The following TRDN variants were observed in gnomAD, a reference collection of about 807,000 sequenced individuals.
TRDN encodes triadin.
TRDN carries 161 observed loss-of-function variants against 149.7 expected under a neutral mutation model. The observed-to-expected ratio is 1.08, with a 90% CI of 0.95 to 1.23. TRDN has a LOEUF of 1.23. Among genes scored for constraint, TRDN ranks in the 50% most tolerant of loss-of-function variants. The probability of loss-of-function intolerance (pLI) is 0.00; values close to 1 mark genes in which losing one functional copy is unlikely to be tolerated. For synonymous variants in TRDN, 294 were observed against 250.5 expected, an observed-to-expected ratio of 1.17 and a Z score of -1.64; for missense variants, 896 against 823.5, an observed-to-expected ratio of 1.09 and a Z score of -1.08.
At chr6:123,571,246 C>T (rs1376532555) in intron 1 of TRDN, 114 bp from the exon 2 acceptor site, 5 of 1,089,432 alleles carry the variant, frequency 4.6e-6, no homozygotes, top group East Asian at 2.6e-5. Flanking sequence ...TCTAGAGCAG[C>T]ACAACTCCTT....
chr6:123,316,475 C>A lies in TRDN; in HGVS notation c.1492G>T (p.Glu498Ter), dbSNP rs1779027425. 1.1e-5 allele frequency: 17 copies of A among 1,610,254 alleles called. No individual in the cohort carries two copies. Among genetic ancestry groups the A allele is most frequent in the Non-Finnish European group, 1.4e-5 (17 of 1,177,616 alleles). Reference protein sequence around the residue: ...KEKEPETKKDEKMSKAGKEVK... With the variant: ...KEKEPETKKD ...TCCTTACCTGCTTTGGACATCTTTTCATCTTTTTTAGTTTCAGGTTCTGGG... is the reference window on the plus strand; with the variant it reads ...TCCTTACCTGCTTTGGACATCTTTTAATCTTTTTTAGTTTCAGGTTCTGGG... The change falls in exon 24 of 41, where the codon GAA (glutamate) becomes TAA (stop). Residue 498 changes from glutamate (E) to a stop codon, truncating the protein, a stop_gained. Coordinates refer to ENST00000334268, the MANE Select transcript of TRDN (RefSeq NM_006073.4). LOFTEE classifies it high-confidence loss of function.
intron 1 of TRDN, among the ~76,000 whole-genome samples, chr6:123,630,474 G>A (rs1377712049): frequency 6.6e-6 from 1 of 151,912 alleles, no homozygotes; most frequent in Non-Finnish European, 1.5e-5. Context: ...CAGTATTGGA[G>A]GCCTTAAGTC....
chr6:123,260,578 G>A, intron 34 of TRDN, 34 bp downstream of exon 34: 1 of 1,401,464 alleles, frequency 7.1e-7, no homozygotes, highest in Non-Finnish European at 9.3e-7. Flanking sequence ...TTCCACAACT[G>A]TATCTTATCT....
chr6:123,265,603 C>A (rs1043147927), intron 32 of TRDN, among the ~76,000 whole-genome samples: 1 of 149,222 alleles, frequency 6.7e-6, no homozygotes, highest in South Asian at 2.1e-4. Flanking sequence ...TGATTTGATA[C>A]AATATTAATC....
At chr6:123,632,826 T>C (rs1425822171) in intron 1 of TRDN, among the ~76,000 whole-genome samples, 1 of 152,016 alleles carries the variant, frequency 6.6e-6, no homozygotes, top group Non-Finnish European at 1.5e-5. Context: ...GTTTGCCTAG[T>C]TGTTAAGTAG....
At chr6:123,452,403 C>G (rs961223848) in intron 10 of TRDN, among the ~76,000 whole-genome samples, 1 of 151,910 alleles carries the variant, frequency 6.6e-6, no homozygotes, top group African/African-American at 2.4e-5. Flanking sequence ...GCACAGTTTC[C>G]AGATACAAGA....
chr6:123,266,891 G>A lies in TRDN; in HGVS notation c.1783+816C>T, dbSNP rs576867925. Among the ~76,000 whole-genome samples the A allele has an allele frequency of 4.2e-5, 6 of 143,272 alleles. 1 individual carries two copies. The highest frequency in any genetic ancestry group is 4.3e-4 in the South Asian group (2 of 4,670). The allele number at this position is 143,272 out of a possible 152,430, so 94.0% of individuals were successfully genotyped here. Reference sequence around the variant, plus strand: ...TGGGAGGCCGAGGTGGGTGGATCACGAGGTCAGGAGATCGAGACCATCCTG... The same window carrying A: ...TGGGAGGCCGAGGTGGGTGGATCACAAGGTCAGGAGATCGAGACCATCCTG... On this transcript the variant is annotated intron_variant, in intron 32 of 40. Transcript: ENST00000334268.
chr6:123,547,033 T>A (rs1161162503), intron 4 of TRDN, among the ~76,000 whole-genome samples: 2 of 152,130 alleles, frequency 1.3e-5, no homozygotes, highest in African/African-American at 4.8e-5. Context: ...TGGGTGTCAT[T>A]TTCTGGGCCA....
intron 1 of TRDN, among the ~76,000 whole-genome samples, chr6:123,588,945 C>T (rs1022760004): frequency 2.6e-5 from 4 of 152,146 alleles, no homozygotes; most frequent in Non-Finnish European, 5.9e-5. Context: ...CCACTACATG[C>T]CCAAGTAGCC....
intron 12 of TRDN, among the ~76,000 whole-genome samples, chr6:123,398,208 T>C (rs1318457892): frequency 1.3e-5 from 2 of 152,204 alleles, no homozygotes; most frequent in Non-Finnish European, 2.9e-5. Flanking sequence ...GGTTTCACCA[T>C]GTTGGTCAGG....
At chr6:123,243,787 AT>A (rs1213905693) in intron 38 of TRDN, among the ~76,000 whole-genome samples, 4 of 151,472 alleles carry the variant, frequency 2.6e-5, no homozygotes, top group African/African-American at 4.8e-5. Context: ...ATGATGAGCA[AT>A]TTTTTTTTGT....
At chr6:123,220,082 C>G (rs561149162) in intron 40 of TRDN, among the ~76,000 whole-genome samples, 106 of 151,944 alleles carry the variant, frequency 7.0e-4, no homozygotes, top group African/African-American at 2.4e-3. Flanking sequence ...ACGAAGATAG[C>G]AAATATCATT....
At chr6:123,441,548 G>A (rs1437912761) in intron 10 of TRDN, among the ~76,000 whole-genome samples, 1 of 151,932 alleles carries the variant, frequency 6.6e-6, no homozygotes, top group Non-Finnish European at 1.5e-5. Context: ...GTGTGGTTGG[G>A]AAAGAAATCT....
At chr6:123,291,807 A>C (rs1245590250) in intron 24 of TRDN, among the ~76,000 whole-genome samples, 4 of 152,176 alleles carry the variant, frequency 2.6e-5, no homozygotes, top group African/African-American at 9.6e-5. Context: ...TTTATTTTCA[A>C]TTCTGCAATA....
chr6:123,340,156 T>C (rs1780012707), intron 21 of TRDN, among the ~76,000 whole-genome samples: 1 of 152,082 alleles, frequency 6.6e-6, no homozygotes, highest in Admixed American at 6.6e-5. Context: ...CCACAAGAAT[T>C]CTTTGAAAAA....
At chr6:123,433,461 T>G (rs1774425935) in intron 12 of TRDN, among the ~76,000 whole-genome samples, 2 of 152,026 alleles carry the variant, frequency 1.3e-5, no homozygotes, top group Non-Finnish European at 2.9e-5. Flanking sequence ...TCCACTTCTG[T>G]GTACTCAGCA....
At chr6:123,269,975 A>C in intron 30 of TRDN, 109 bp from the exon 31 acceptor site, 1 of 1,014,218 alleles carries the variant, frequency 9.9e-7, no homozygotes, top group Non-Finnish European at 1.4e-6. Flanking sequence ...TCACCTCCTT[A>C]GCTTAAACTT....
intron 5 of TRDN, among the ~76,000 whole-genome samples, chr6:123,516,629 G>T (rs1014698275): frequency 3.3e-5 from 5 of 152,000 alleles, no homozygotes; most frequent in African/African-American, 1.2e-4. Flanking sequence ...AACTTAAACA[G>T]TATGTGTTAA....
intron 38 of TRDN, among the ~76,000 whole-genome samples, chr6:123,237,687 T>C (rs2114536276): frequency 6.6e-6 from 1 of 152,316 alleles, no homozygotes; most frequent in Admixed American, 6.5e-5. Context: ...TTTCTTGCTT[T>C]TTTGCAGTGG....
Sources: gnomAD v4.1 joint callset for allele counts (sites outside exome capture counted in the v4.1 genomes callset) on GRCh38, gnomAD v4.1.1 for gene constraint, MANE v1.5 for transcripts, NCBI Gene and HGNC (gene_info 2026-07-23, HGNC 2026-07-21) for gene names.